DIAPH3: variants seen among roughly 807,000 people sequenced by gnomAD.
DIAPH3 encodes the protein protein diaphanous homolog 3.
A neutral mutation model predicts 144.3 loss-of-function variants in DIAPH3; 117 were observed. The ratio of observed to expected loss-of-function variants is 0.81; its 90% CI spans 0.70 to 0.95. DIAPH3 has a LOEUF of 0.95. Among genes scored for constraint, DIAPH3 ranks in the 40% least tolerant of loss-of-function variants. The probability of loss-of-function intolerance (pLI) is 0.00; values close to 1 mark genes in which losing one functional copy is unlikely to be tolerated. For missense variants in DIAPH3, 1,421 were observed against 1,412.7 expected (o/e 1.01, Z -0.09); for synonymous variants, 519 against 488.9 (o/e 1.06, Z -0.81).
intron 3 of DIAPH3, among the ~76,000 whole-genome samples, chr13:60,095,004 AT>A (rs2058063460): frequency 6.7e-6 from 1 of 149,234 alleles, no homozygotes; most frequent in Non-Finnish European, 1.5e-5. Context: ...CATAGGAAGC[AT>A]TTTGGAAATT....
At chr13:59,781,169 G>A (rs1484043882) in intron 25 of DIAPH3, among the ~76,000 whole-genome samples, 1 of 152,178 alleles carries the variant, frequency 6.6e-6, no homozygotes, top group East Asian at 1.9e-4. Context: ...CTGCAAGCAA[G>A]TAAACAAATG....
At chr13:59,917,449 C>G (rs980000614) in intron 18 of DIAPH3, among the ~76,000 whole-genome samples, 5 of 152,126 alleles carry the variant, frequency 3.3e-5, no homozygotes, top group African/African-American at 9.7e-5. Context: ...TACAGATTAA[C>G]AAGGGCATCA....
chr13:59,882,382 G>A (rs536298288), intron 20 of DIAPH3, among the ~76,000 whole-genome samples: 4 of 152,256 alleles, frequency 2.6e-5, no homozygotes, highest in African/African-American at 4.8e-5. Context: ...GAGCCACTGC[G>A]CCCAGCCCTT....
chr13:60,115,382 G>T (rs960616989), intron 2 of DIAPH3, among the ~76,000 whole-genome samples: 1 of 152,222 alleles, frequency 6.6e-6, no homozygotes, highest in Non-Finnish European at 1.5e-5. Flanking sequence ...AACTGCAAGA[G>T]ATCAGTTTTT....
intron 17 of DIAPH3, among the ~76,000 whole-genome samples, chr13:59,925,319 T>C (rs917949477): frequency 6.6e-6 from 1 of 152,158 alleles, no homozygotes; most frequent in Non-Finnish European, 1.5e-5. Context: ...CCATTCTTAT[T>C]TAAAAACATA....
At chr13:59,996,820 G>T (rs1483391042) in intron 9 of DIAPH3, among the ~76,000 whole-genome samples, 1 of 152,004 alleles carries the variant, frequency 6.6e-6, no homozygotes, top group Admixed American at 6.6e-5. Context: ...TTAACAACAA[G>T]ATAGAGGAAC....
chr13:60,068,715 T>A (rs2057075335), intron 4 of DIAPH3, among the ~76,000 whole-genome samples: 1 of 152,160 alleles, frequency 6.6e-6, no homozygotes, highest in South Asian at 2.1e-4. Flanking sequence ...GTATTCAATG[T>A]TTAGCTTCTG....
intron 24 of DIAPH3, among the ~76,000 whole-genome samples, chr13:59,828,839 C>T (rs1593581355): frequency 6.6e-6 from 1 of 151,704 alleles, no homozygotes; most frequent in Admixed American, 6.6e-5. Context: ...AAAATAGAAC[C>T]ATTCCCAATG....
chr13:59,776,313 G>C (rs1210077927), intron 25 of DIAPH3, among the ~76,000 whole-genome samples: 1 of 152,084 alleles, frequency 6.6e-6, no homozygotes, highest in African/African-American at 2.4e-5. Flanking sequence ...AGGTGGGTGA[G>C]AAATAGAATA....
At chr13:59,667,134 T>C (rs973219231) in intron 27 of DIAPH3, among the ~76,000 whole-genome samples, 1 of 152,202 alleles carries the variant, frequency 6.6e-6, no homozygotes, top group African/African-American at 2.4e-5. Flanking sequence ...CCTGGTCCCA[T>C]ATTTCTTTCA....
At chr13:60,025,756 G>A (rs2054333302) in intron 5 of DIAPH3, among the ~76,000 whole-genome samples, 1 of 151,852 alleles carries the variant, frequency 6.6e-6, no homozygotes, top group Non-Finnish European at 1.5e-5. Flanking sequence ...TAAGAACAAA[G>A]AAAAAAACAT....
chr13:59,774,689 G>C (rs369382898), intron 26 of DIAPH3, 39 bp downstream of exon 26: 1 of 1,551,232 alleles, frequency 6.4e-7, no homozygotes, highest in Admixed American at 1.7e-5. Flanking sequence ...CTCTGTGATA[G>C]CTCCCTAGAA....
At chr13:60,044,702 A>G (rs947481015) in intron 4 of DIAPH3, among the ~76,000 whole-genome samples, 5 of 152,322 alleles carry the variant, frequency 3.3e-5, no homozygotes, top group South Asian at 2.1e-4. Flanking sequence ...GAATATTAAT[A>G]TATTTGCATA....
At chr13:59,918,231 G>C (rs1030425543) in intron 18 of DIAPH3, among the ~76,000 whole-genome samples, 1 of 147,426 alleles carries the variant, frequency 6.8e-6, no homozygotes, top group African/African-American at 2.5e-5. Context: ...AAAAGAGAGA[G>C]AGAGAGAGAT....
intron 2 of DIAPH3, among the ~76,000 whole-genome samples, chr13:60,129,214 G>T (rs2059073287): frequency 6.6e-6 from 1 of 152,050 alleles, no homozygotes. Flanking sequence ...TTTCAAACCT[G>T]TCTCCCCTCA....
chr13:59,800,286 C>G (rs1288205787), intron 25 of DIAPH3, among the ~76,000 whole-genome samples: 2 of 152,124 alleles, frequency 1.3e-5, no homozygotes, highest in Non-Finnish European at 2.9e-5. Context: ...TTACCTTTCC[C>G]TTTTTAGAAC....
intron 22 of DIAPH3, among the ~76,000 whole-genome samples, chr13:59,850,711 A>AG (rs2042916018): frequency 6.6e-6 from 1 of 152,098 alleles, no homozygotes; most frequent in African/African-American, 2.4e-5. Flanking sequence ...CTGATCCCAC[A>AG]GAAATACAAA....
chr13:59,859,719 T>C (rs1593714177), intron 22 of DIAPH3, among the ~76,000 whole-genome samples: 2 of 152,304 alleles, frequency 1.3e-5, no homozygotes, highest in East Asian at 3.9e-4. Context: ...ATCAGAATTC[T>C]CTCTTTAGGA....
chr13:60,005,688 A>G (rs1421715943), intron 9 of DIAPH3, among the ~76,000 whole-genome samples: 2 of 151,986 alleles, frequency 1.3e-5, no homozygotes, highest in Non-Finnish European at 1.5e-5. Context: ...TCACCATGTT[A>G]GCCAGGATGG....
Sources: gnomAD v4.1 joint callset for allele counts (sites outside exome capture counted in the v4.1 genomes callset) on GRCh38, gnomAD v4.1.1 for gene constraint, MANE v1.5 for transcripts, NCBI Gene and HGNC (gene_info 2026-07-23, HGNC 2026-07-21) for gene names.